The following HIVEP2 variants were observed in gnomAD, a reference collection of about 807,000 sequenced individuals.
HIVEP2 encodes the protein transcription factor HIVEP2.
A neutral mutation model predicts 180.7 loss-of-function variants in HIVEP2; 14 were observed. That is an observed-to-expected ratio of 0.08 (90% CI 0.05 to 0.12). HIVEP2 has a LOEUF of 0.12. Ranked by LOEUF, HIVEP2 falls within the 10% of genes least tolerant of loss-of-function variation. The pLI is 1.00. For synonymous variants in HIVEP2, 1,184 were observed against 1,136.4 expected (o/e 1.04, Z -0.84); for missense variants, 2,579 against 3,008.5 (o/e 0.86, Z 3.34).
At chr6:142,793,659 T>TCTCTC (rs3057479) in intron 2 of HIVEP2, among the ~76,000 whole-genome samples, 6 of 106,200 alleles carry the variant, frequency 5.6e-5, no homozygotes, top group African/African-American at 2.0e-4. Context: ...TTTCTTTCTT[T>TCTCTC]TTTCTTTCTT....
intron 2 of HIVEP2, among the ~76,000 whole-genome samples, chr6:142,816,624 C>T (rs901692262): frequency 1.3e-5 from 2 of 152,162 alleles, no homozygotes; most frequent in Admixed American, 6.5e-5. Context: ...CTGCTGTTTT[C>T]CCCACACAAA....
intron 1 of HIVEP2, among the ~76,000 whole-genome samples, chr6:142,917,781 AT>A (rs1232577817): frequency 3.1e-4 from 46 of 147,484 alleles, no homozygotes; most frequent in African/African-American, 2.7e-4. Flanking sequence ...TGCTTCTGTA[AT>A]TTTTTTTTTT....
chr6:142,811,469 T>C (rs1319514704), intron 2 of HIVEP2, among the ~76,000 whole-genome samples: 1 of 152,186 alleles, frequency 6.6e-6, no homozygotes, highest in Non-Finnish European at 1.5e-5. Flanking sequence ...TTTTGTGCAA[T>C]GGCTAAAATT....
intron 7 of HIVEP2, among the ~76,000 whole-genome samples, chr6:142,762,469 C>CACACAT (rs1247315898): frequency 4.2e-5 from 2 of 47,772 alleles, no homozygotes; most frequent in Non-Finnish European, 8.4e-5. Flanking sequence ...CACACACACA[C>CACACAT]ACACACACAC....
chr6:142,916,695 T>C (rs1035959201), intron 1 of HIVEP2, among the ~76,000 whole-genome samples: 1 of 152,186 alleles, frequency 6.6e-6, no homozygotes, highest in Non-Finnish European at 1.5e-5. Flanking sequence ...AAAGAAGTTA[T>C]CAACTAATTT....
At chr6:142,816,754 T>C (rs569834189) in intron 2 of HIVEP2, among the ~76,000 whole-genome samples, 97 of 152,342 alleles carry the variant, frequency 6.4e-4, no homozygotes, top group Non-Finnish European at 1.3e-3. Context: ...AAACCATTAA[T>C]CCTGTACAGA....
intron 1 of HIVEP2, among the ~76,000 whole-genome samples, chr6:142,899,846 G>A (rs1329770856): frequency 6.6e-6 from 1 of 152,190 alleles, no homozygotes; most frequent in African/African-American, 2.4e-5. Flanking sequence ...GGAAAAGGGT[G>A]AAGATCTGTA....
chr6:142,833,983 A>G (rs1383567652), intron 2 of HIVEP2, among the ~76,000 whole-genome samples: 2 of 152,226 alleles, frequency 1.3e-5, no homozygotes, highest in Non-Finnish European at 2.9e-5. Flanking sequence ...CCTGTATAAT[A>G]GGAAACATTT....
At chr6:142,874,749 C>T (rs901505618) in intron 1 of HIVEP2, among the ~76,000 whole-genome samples, 1 of 152,130 alleles carries the variant, frequency 6.6e-6, no homozygotes, top group Non-Finnish European at 1.5e-5. Flanking sequence ...TCTGAATAAA[C>T]ATGGTCCATT....
intron 2 of HIVEP2, among the ~76,000 whole-genome samples, chr6:142,823,656 T>C (rs1777101642): frequency 6.6e-6 from 1 of 152,248 alleles, no homozygotes; most frequent in Non-Finnish European, 1.5e-5. Flanking sequence ...CGTTAATAAT[T>C]AGAGCAGCAT....
chr6:142,935,693 AC>A lies in HIVEP2; in HGVS notation c.-641+9405del, dbSNP rs138014042. Among the ~76,000 whole-genome samples the A allele has an allele frequency of 3.3e-3, 504 of 152,168 alleles. 5 individuals carry two copies. Among genetic ancestry groups the A allele is most frequent in the African/African-American group, 0.012 (495 of 41,502 alleles). On this transcript the variant is annotated intron_variant, in intron 1 of 9. Coordinates refer to ENST00000367603, the MANE Select transcript of HIVEP2 (RefSeq NM_006734.4). The stretch of plus-strand genomic sequence containing the variant: ...TATAGTGTGGCAGGTGTTTTTCCTT[AC>A]CATTTGGACCGTAAGCTTCTTGAGA...
intron 1 of HIVEP2, among the ~76,000 whole-genome samples, chr6:142,917,954 T>C (rs992897294): frequency 6.6e-6 from 1 of 152,168 alleles, no homozygotes; most frequent in Non-Finnish European, 1.5e-5. Context: ...TTTTGCATTT[T>C]TAGTAGACAG....
intron 1 of HIVEP2, among the ~76,000 whole-genome samples, chr6:142,869,290 T>A (rs1562272370): frequency 2.0e-5 from 3 of 152,116 alleles, no homozygotes; most frequent in Admixed American, 2.0e-4. Flanking sequence ...GCTACCTACC[T>A]CTTCCCTGAA....
intron 1 of HIVEP2, among the ~76,000 whole-genome samples, chr6:142,848,815 G>C (rs988192802): frequency 2.6e-5 from 4 of 152,064 alleles, no homozygotes; most frequent in African/African-American, 9.7e-5. Flanking sequence ...AATAACTGCT[G>C]CTGCCATTCC....
intron 3 of HIVEP2, among the ~76,000 whole-genome samples, chr6:142,778,520 T>G (rs970308434): frequency 1.3e-5 from 2 of 152,232 alleles, no homozygotes; most frequent in Admixed American, 1.3e-4. Flanking sequence ...TTTTCAGATT[T>G]AATATTTTAT....
In HIVEP2 at chr6:142,774,743, T is replaced by C. The variant is rs1415558269; in HGVS notation, c.-5A>G. The stretch of plus-strand genomic sequence containing the variant: ...AGCTGTGTCCCCAGTGTCCATTTTG[T>C]TACACAAGGTCTTAAGTGCTAGTTC... On this transcript the variant is annotated 5_prime_UTR_variant, in exon 5 of 10. Transcript: ENST00000367603. This position sits in a 1 kb window ranked among gnomAD's most constrained non-coding sequence, Gnocchi z 5.1. 2 of 1,612,772 alleles carry C rather than the reference T, an allele frequency of 1.2e-6. No homozygotes were observed. The highest frequency in any genetic ancestry group is 1.7e-6 in the Non-Finnish European group (2 of 1,179,286).
At chr6:142,910,630 AAACAAC>A (rs778682920) in intron 1 of HIVEP2, among the ~76,000 whole-genome samples, 1 of 152,104 alleles carries the variant, frequency 6.6e-6, no homozygotes, top group Non-Finnish European at 1.5e-5. Flanking sequence ...AAACAAAACA[AAACAAC>A]AACAACAACA....
chr6:142,907,390 G>C (rs982414357), intron 1 of HIVEP2, among the ~76,000 whole-genome samples: 1 of 152,172 alleles, frequency 6.6e-6, no homozygotes. Context: ...GTTACCCCTA[G>C]AGAGTCTCAG....
intron 1 of HIVEP2, among the ~76,000 whole-genome samples, chr6:142,929,093 A>G (rs1777883658): frequency 6.6e-6 from 1 of 152,154 alleles, no homozygotes; most frequent in South Asian, 2.1e-4. Flanking sequence ...TCTTTTATCC[A>G]TTAAATCTCT....
Sources: allele counts gnomAD v4.1 joint callset (sites outside exome capture counted in the v4.1 genomes callset), GRCh38; gene constraint gnomAD v4.1.1; non-coding constraint Gnocchi (gnomAD v3.1); transcripts MANE v1.5; gene names NCBI Gene and HGNC (gene_info 2026-07-23, HGNC 2026-07-21).